Variants in RAD23A observed in about 807,000 individuals in gnomAD.
The protein encoded by RAD23A is RAD23 nucleotide excision repair protein A, also known as lysine-specific demethylase RAD23A.
Under a neutral mutation model 44.8 loss-of-function variants are expected in RAD23A, and 16 were observed. That is an observed-to-expected ratio of 0.36 (90% CI 0.24 to 0.54). RAD23A has a LOEUF of 0.54. Ranked by LOEUF, RAD23A falls within the 20% of genes least tolerant of loss-of-function variation. The pLI is 0.89. For synonymous variants in RAD23A, 217 were observed against 202.9 expected (o/e 1.07, Z -0.59); for missense variants, 380 against 483.3 (o/e 0.79, Z 2.00).
intron 1 of RAD23A, among the ~76,000 whole-genome samples, chr19:12,947,131 T>G (rs1459899817): frequency 6.6e-6 from 1 of 152,182 alleles, no homozygotes; most frequent in African/African-American, 2.4e-5. Context: ...ACATTTACAG[T>G]AGCACTATTG....
At chr19:12,949,211 C>T (rs1483828974) in intron 6 of RAD23A, 52 bp downstream of exon 6, 1 of 1,614,108 alleles carries the variant, frequency 6.2e-7, no homozygotes, top group Non-Finnish European at 8.5e-7. Context: ...TCACATTACA[C>T]TCCACCCCGC....
Position 12,948,860 on chromosome 19 carries a change from G to C in RAD23A, c.600+47G>C, listed in dbSNP as rs1212144977. On this transcript the variant is annotated intron_variant, in intron 5 of 8. Transcript: ENST00000586534. This position sits in a 1 kb window ranked among gnomAD's most constrained non-coding sequence, Gnocchi z 5.5. ...CCGGGGAGGCCTTGAGGGAGTACCC[G>C]GGCGTCACTGCCCTGATGGGCGGTT... 1.3e-6 allele frequency: 2 copies of C among 1,567,666 alleles called. No individual in the cohort carries two copies. Among genetic ancestry groups the C allele is most frequent in the Non-Finnish European group, 1.7e-6 (2 of 1,160,724 alleles).
At chr19:12,952,557 T>C in intron 7 of RAD23A, 132 bp from the exon 8 acceptor site, 2 of 1,035,382 alleles carry the variant, frequency 1.9e-6, no homozygotes, top group Admixed American at 2.7e-5. Flanking sequence ...TCGACTGCTA[T>C]GTTGTGTTTG....
At position 12,945,927 on chromosome 19, in the gene RAD23A, G is replaced by C. The variant is rs1568451598; in HGVS notation, c.-22G>C. On this transcript the variant is annotated 5_prime_UTR_variant, in exon 1 of 9. Coordinates refer to ENST00000586534, the MANE Select transcript of RAD23A (RefSeq NM_005053.4). ...CATGTTGTGTGAGGATCCCGGGGCCGCCGCGTCGCTCGGGCCCCGCCATGG... is the reference window on the plus strand; with the variant it reads ...CATGTTGTGTGAGGATCCCGGGGCCCCCGCGTCGCTCGGGCCCCGCCATGG... 1 of 1,605,826 alleles carries C rather than the reference G, an allele frequency of 6.2e-7. No homozygotes were observed.
chr19:12,948,361 A>G lies in RAD23A; in HGVS notation c.416+3A>G. 5.1e-6 allele frequency: 8 copies of G among 1,575,654 alleles called. No homozygotes were observed. Among genetic ancestry groups the G allele is most frequent in the Non-Finnish European group, 6.0e-6 (7 of 1,159,196 alleles). On this transcript the variant is annotated splice_donor_region_variant and intron_variant, in intron 3 of 8. Transcript: ENST00000586534. This position sits in a 1 kb window ranked among gnomAD's most constrained non-coding sequence, Gnocchi z 5.5. ...ACGTCCCCAGAGTCTGTGTCAGGGT[A>G]AGGCGGGGGCAGCAGTCCCAGCTTG... is the stretch of plus-strand genomic sequence containing the variant.
At chr19:12,949,019 G>T in intron 5 of RAD23A, 62 bp from the exon 6 acceptor site, 1 of 1,567,344 alleles carries the variant, frequency 6.4e-7, no homozygotes, top group Non-Finnish European at 8.7e-7. Flanking sequence ...TGTCCTGCCA[G>T]GGCATGGAGG....
intron 7 of RAD23A, among the ~76,000 whole-genome samples, chr19:12,950,177 C>CT (rs1262362708): frequency 5.3e-5 from 8 of 152,100 alleles, no homozygotes; most frequent in African/African-American, 1.9e-4. Context: ...ACGTCTAAGA[C>CT]TTAGAACAGA....
chr19:12,947,778 C>A, intron 1 of RAD23A, 70 bp from the exon 2 acceptor site: 1 of 1,525,030 alleles, frequency 6.6e-7, no homozygotes, highest in Non-Finnish European at 9.0e-7. Flanking sequence ...CTGGCAGTTT[C>A]TCTGTCCTAA....
intron 1 of RAD23A, 36 bp downstream of exon 1, chr19:12,946,056 C>A: frequency 9.0e-5 from 10 of 110,924 alleles, no homozygotes; most frequent in East Asian, 2.6e-4. Context: ...GCGGGAGCGA[C>A]GGGTTTCGGG....
chr19:12,948,668 T>C lies in RAD23A; in HGVS notation c.473-18T>C. On this transcript the variant is annotated intron_variant, in intron 4 of 8. Transcript: ENST00000586534. The surrounding 1 kb of genome is among the most constrained non-coding windows in gnomAD (Gnocchi z 5.5). ...TTTCCTCTTCCTGGTGACCTAGGCTTTGCTGCTTCCTCCACAGTGACGGGC... is the reference window on the plus strand; with the variant it reads ...TTTCCTCTTCCTGGTGACCTAGGCTCTGCTGCTTCCTCCACAGTGACGGGC... The C allele has an allele frequency of 6.2e-7, 1 of 1,607,634 alleles. No homozygotes were observed. Among genetic ancestry groups the C allele is most frequent in the African/African-American group, 1.3e-5 (1 of 74,772 alleles).
rs1387558363 is a variant in RAD23A, at chr19:12,948,603, C to G, written c.472+51C>G. 2.5e-6 allele frequency: 4 copies of G among 1,575,692 alleles called. No individual in the cohort carries two copies. Among genetic ancestry groups the G allele is most frequent in the Non-Finnish European group, 3.4e-6 (4 of 1,160,486 alleles). Reference sequence around the variant, plus strand: ...GGTGACTGGGTGCCCCAGCCATCAGCTGGGCCTTGTCTGGGTGCGGGAGGG... The same window carrying G: ...GGTGACTGGGTGCCCCAGCCATCAGGTGGGCCTTGTCTGGGTGCGGGAGGG... On this transcript the variant is annotated intron_variant, in intron 4 of 8. Coordinates refer to ENST00000586534, the MANE Select transcript of RAD23A (RefSeq NM_005053.4). This position sits in a 1 kb window ranked among gnomAD's most constrained non-coding sequence, Gnocchi z 5.5.
rs1971707913 is a variant in RAD23A at position 12,947,906 on chromosome 19, C to A, written c.131C>A (p.Ala44Asp). Residue 44 changes from alanine (A) to aspartate (D), a missense_variant, in exon 2 of 9, where the codon GCT becomes GAT. Around this residue, in one of 3 missense-constraint regions of RAD23A, gnomAD observed 70 missense variants for 106.0 expected, o/e 0.66. Coordinates refer to ENST00000586534, the MANE Select transcript of RAD23A (RefSeq NM_005053.4). ...AEKGRDAFPVAGQKLIYAGKI... is the reference protein window; with the variant it reads ...AEKGRDAFPVDGQKLIYAGKI... The stretch of plus-strand genomic sequence containing the variant: ...AAGGGTCGTGATGCCTTCCCCGTGG[C>A]TGGACAGAAACTCATCTATGCCGGC... The A allele has an allele frequency of 6.2e-7, 1 of 1,613,976 alleles. No individual in the cohort carries two copies.
At chr19:12,951,850 G>A (rs902006831) in intron 7 of RAD23A, among the ~76,000 whole-genome samples, 2 of 152,192 alleles carry the variant, frequency 1.3e-5, no homozygotes, top group Admixed American at 6.6e-5. Context: ...CTCTGCATCC[G>A]CCATACTGCA....
chr19:12,945,872 T>G lies in RAD23A; in HGVS notation c.-77T>G. ...TGGTCGGCGCGCGGCGCGGCGCGCC[T>G]GGGCGCTAAGATGGCGGCGGCGTGA... On this transcript the variant is annotated 5_prime_UTR_variant, in exon 1 of 9. Transcript: ENST00000586534. 1 of 1,506,648 alleles carries G rather than the reference T, an allele frequency of 6.6e-7. No individual in the cohort carries two copies. The highest frequency in any genetic ancestry group is 9.1e-7 in the Non-Finnish European group (1 of 1,099,746). 93.3% of individuals were successfully genotyped at this position (1,506,648 alleles called of 1,614,324 possible). A position where few individuals can be genotyped will look rare whatever the true frequency, so the allele number is the denominator to read the frequency against.
intron 1 of RAD23A, among the ~76,000 whole-genome samples, chr19:12,947,360 A>G (rs1180812259): frequency 2.6e-5 from 4 of 152,212 alleles, no homozygotes; most frequent in Non-Finnish European, 4.4e-5. Flanking sequence ...CAGGAGTTTG[A>G]GGCTGCAGTC....
In RAD23A at chr19:12,945,876, C is replaced by T. The variant is rs960563311; in HGVS notation, c.-73C>T. 2.0e-6 allele frequency: 3 copies of T among 1,516,884 alleles called. No individual in the cohort carries two copies. The highest frequency in any genetic ancestry group is 2.3e-5 in the South Asian group (2 of 88,336). 94.0% of individuals were successfully genotyped at this position (1,516,884 alleles called of 1,614,324 possible). ...CGGCGCGCGGCGCGGCGCGCCTGGG[C>T]GCTAAGATGGCGGCGGCGTGAGTTG... On this transcript the variant is annotated 5_prime_UTR_variant, in exon 1 of 9. Transcript: ENST00000586534.
At chr19:12,949,708 C>A in intron 7 of RAD23A, 1 of 463,044 alleles carries the variant, frequency 2.2e-6, no homozygotes, top group Non-Finnish European at 3.9e-6. Context: ...TGCCTCCTGC[C>A]TCGGGGTGGG....
intron 1 of RAD23A, 64 bp downstream of exon 1, chr19:12,946,084 G>GGGGGCC: frequency 5.9e-6 from 3 of 512,142 alleles, no homozygotes; most frequent in Non-Finnish European, 1.1e-5. Context: ...TGGGGGCGGG[G>GGGGGCC]AGGCTAGAAT....
At chr19:12,946,048 G>T in intron 1 of RAD23A, 28 bp downstream of exon 1, 1 of 1,555,970 alleles carries the variant, frequency 6.4e-7, no homozygotes, top group Non-Finnish European at 8.7e-7. Context: ...GCCCGGGGGC[G>T]GGAGCGACGG....
Sources: gnomAD v4.1 joint callset for allele counts (sites outside exome capture counted in the v4.1 genomes callset) on GRCh38, gnomAD v4.1.1 for gene constraint, gnomAD v4.1.1 regional missense constraint, Gnocchi (gnomAD v3.1) non-coding constraint, MANE v1.5 for transcripts, NCBI Gene and HGNC (gene_info 2026-07-23, HGNC 2026-07-21) for gene names.